Variants in ST18 observed in about 807,000 individuals in gnomAD.
ST18 encodes suppression of tumorigenicity 18 protein.
Under a neutral mutation model 110.0 loss-of-function variants are expected in ST18, and 50 were observed. The observed-to-expected ratio is 0.45, with a 90% confidence interval of 0.36 to 0.58. ST18 has a LOEUF of 0.58. Among genes scored for constraint, ST18 ranks in the 20% least tolerant of loss-of-function variants. The probability of loss-of-function intolerance (pLI) is 0.00; values close to 1 mark genes in which losing one functional copy is unlikely to be tolerated. For synonymous variants in ST18, 461 were observed against 452.4 expected (o/e 1.02, Z -0.24); for missense variants, 1,306 against 1,280.1 (o/e 1.02, Z -0.31).
chr8:52,360,439 TC>T (rs561185562), intron 2 of ST18, among the ~76,000 whole-genome samples: 18 of 152,244 alleles, frequency 1.2e-4, no homozygotes, highest in African/African-American at 3.4e-4. Flanking sequence ...TTATGGTACA[TC>T]TTTTCACATT....
At chr8:52,154,533 T>A (rs1188589055) in intron 15 of ST18, 1 of 151,748 alleles carries the variant, frequency 6.6e-6, no homozygotes, top group Non-Finnish European at 1.5e-5. Context: ...AAAACGGGAG[T>A]GCATCTGCCT....
chr8:52,257,064 T>C (rs1589375055), intron 2 of ST18, among the ~76,000 whole-genome samples: 1 of 152,310 alleles, frequency 6.6e-6, no homozygotes, highest in African/African-American at 2.4e-5. Context: ...TAATATGTTG[T>C]CCTTTATTAC....
intron 2 of ST18, among the ~76,000 whole-genome samples, chr8:52,392,680 C>T (rs1342166564): frequency 1.3e-5 from 2 of 152,150 alleles, no homozygotes; most frequent in Admixed American, 1.3e-4. Context: ...GTGGTGGCAG[C>T]CTAGAGCAGA....
chr8:52,196,154 G>A (rs1254658614), intron 8 of ST18, among the ~76,000 whole-genome samples: 1 of 152,174 alleles, frequency 6.6e-6, no homozygotes, highest in Non-Finnish European at 1.5e-5. Context: ...TGGGGGCAGA[G>A]GATAGGATTG....
At chr8:52,145,581 T>C (rs1422397738) in intron 16 of ST18, among the ~76,000 whole-genome samples, 1 of 152,240 alleles carries the variant, frequency 6.6e-6, no homozygotes. Context: ...CAGCAGCCAG[T>C]GTAAATCAAT....
chr8:52,208,432 A>G (rs1314566706), intron 8 of ST18, among the ~76,000 whole-genome samples: 1 of 152,252 alleles, frequency 6.6e-6, no homozygotes, highest in East Asian at 1.9e-4. Context: ...AATTTAAAAG[A>G]TGCTAAAAAT....
Position 52,409,627 on chromosome 8 carries a change from T to C in ST18, c.-669A>G, listed in dbSNP as rs1177820401. 3 of 152,224 alleles carry C rather than the reference T, an allele frequency of 2.0e-5. No individual in the cohort carries two copies. Among genetic ancestry groups the C allele is most frequent in the Non-Finnish European group, 4.4e-5 (3 of 68,038 alleles). The allele number at this position is 152,224 out of a possible 1,614,324, so 9.4% of individuals were successfully genotyped here. A position where few individuals can be genotyped will look rare whatever the true frequency, so the allele number is the denominator to read the frequency against. ...CTTCATGTGGCCTTATTAAAAGCCA[T>C]GGTTTCCGAGATGTAAAACACCCAC... is the stretch of plus-strand genomic sequence containing the variant. On this transcript the variant is annotated 5_prime_UTR_variant, in exon 1 of 26. An upstream start codon of the reference 5' UTR is lost. Transcript: ENST00000689386.
At chr8:52,346,541 A>G (rs1817876359) in intron 2 of ST18, among the ~76,000 whole-genome samples, 1 of 152,236 alleles carries the variant, frequency 6.6e-6, no homozygotes, top group Non-Finnish European at 1.5e-5. Flanking sequence ...ACCCACACGC[A>G]TTATCATCAC....
At chr8:52,312,764 TG>T (rs2095944434) in intron 2 of ST18, among the ~76,000 whole-genome samples, 1 of 152,184 alleles carries the variant, frequency 6.6e-6, no homozygotes, top group Non-Finnish European at 1.5e-5. Context: ...TGAGTGGACC[TG>T]GAGAAAAACA....
intron 2 of ST18, among the ~76,000 whole-genome samples, chr8:52,330,754 G>A (rs528181819): frequency 2.8e-4 from 43 of 152,356 alleles, no homozygotes; most frequent in East Asian, 3.9e-4. Flanking sequence ...TACCTTACGT[G>A]AACACTGTGT....
chr8:52,161,645 T>C, intron 13 of ST18, 77 bp from the exon 14 acceptor site: 2 of 1,489,448 alleles, frequency 1.3e-6, no homozygotes, highest in Non-Finnish European at 1.8e-6. Flanking sequence ...GAATTTACAG[T>C]AGATACATGT....
chr8:52,308,287 A>G (rs2095846683), intron 2 of ST18, among the ~76,000 whole-genome samples: 1 of 152,250 alleles, frequency 6.6e-6, no homozygotes, highest in African/African-American at 2.4e-5. Flanking sequence ...ACTATTTTTT[A>G]AATCCAAAGC....
Position 52,357,676 on chromosome 8 carries a change from A to ATATATATATAT in ST18, c.-465+51651_-465+51652insATATATATATA, listed in dbSNP as rs1823427401. Among the ~76,000 whole-genome samples the ATATATATATAT allele has an allele frequency of 5.2e-5, 2 of 38,466 alleles. 1 individual carries two copies. The highest frequency in any genetic ancestry group is 2.1e-4 in the African/African-American group (2 of 9,672). 25.2% of individuals were successfully genotyped at this position (38,466 alleles called of 152,430 possible). A position where few individuals can be genotyped will look rare whatever the true frequency, so the allele number is the denominator to read the frequency against. ...ACATAACAAATCCCCAAAATCTATA[A>ATATATATATAT]ATATATATATATATATATATATATA... On this transcript the variant is annotated intron_variant, in intron 2 of 25. Transcript: ENST00000689386.
At chr8:52,376,940 A>C (rs1832633619) in intron 2 of ST18, among the ~76,000 whole-genome samples, 1 of 152,216 alleles carries the variant, frequency 6.6e-6, no homozygotes, top group African/African-American at 2.4e-5. Context: ...AAATGCAGCT[A>C]AACTCTGTTC....
intron 16 of ST18, among the ~76,000 whole-genome samples, chr8:52,147,665 A>G (rs2057702229): frequency 6.6e-6 from 1 of 151,856 alleles, no homozygotes; most frequent in African/African-American, 2.4e-5. Flanking sequence ...GGGATTTTGA[A>G]CCTGCATGAA....
At chr8:52,130,434 G>T (rs1423306348) in intron 22 of ST18, among the ~76,000 whole-genome samples, 1 of 152,074 alleles carries the variant, frequency 6.6e-6, no homozygotes, top group Non-Finnish European at 1.5e-5. Context: ...GGGACCACAG[G>T]CATGTACCAC....
intron 8 of ST18, among the ~76,000 whole-genome samples, chr8:52,181,436 C>T (rs186028041): frequency 6.6e-6 from 1 of 152,230 alleles, no homozygotes; most frequent in Non-Finnish European, 1.5e-5. Context: ...GGTTCAAAAA[C>T]TTCCAATGGG....
chr8:52,295,159 T>G (rs1057219171), intron 2 of ST18, among the ~76,000 whole-genome samples: 1 of 152,210 alleles, frequency 6.6e-6, no homozygotes, highest in Non-Finnish European at 1.5e-5. Flanking sequence ...AACCACTTTT[T>G]TCTTTTTTTC....
chr8:52,171,105 C>T lies in ST18; in HGVS notation c.1069+687G>A, dbSNP rs28382372. On this transcript the variant is annotated intron_variant, in intron 10 of 25. Transcript: ENST00000689386. The stretch of plus-strand genomic sequence containing the variant: ...ACTCATCTTAAACAAGCATTCTAGG[C>T]ACTAAGGACTGCTCTTGGGAAGCTC... Among the ~76,000 whole-genome samples the T allele has an allele frequency of 9.7e-3, 1,476 of 152,242 alleles. 21 individuals are homozygous for T. The highest frequency in any genetic ancestry group is 0.034 in the African/African-American group (1,423 of 41,522).
Sources: allele counts gnomAD v4.1 joint callset (sites outside exome capture counted in the v4.1 genomes callset), GRCh38; gene constraint gnomAD v4.1.1; transcripts MANE v1.5; gene names NCBI Gene and HGNC (gene_info 2026-07-23, HGNC 2026-07-21).